Variants in CAST observed in about 807,000 individuals in gnomAD.
The protein encoded by CAST is calpastatin, also known as MIR583 host.
CAST carries 76 observed loss-of-function variants against 119.6 expected under a neutral mutation model. That is an observed-to-expected ratio of 0.64 (90% CI 0.53 to 0.77). The LOEUF (loss-of-function observed/expected upper bound fraction) is 0.77, where lower values mean the gene tolerates loss of function less well. Among genes scored for constraint, CAST ranks in the 30% least tolerant of loss-of-function variants. CAST has a pLI of 0.00. For synonymous variants in CAST, 319 were observed against 331.6 expected (o/e 0.96, Z 0.41); for missense variants, 953 against 946.5 (o/e 1.01, Z -0.09).
the CAST span, among the ~76,000 whole-genome samples, chr5:95,985,013 TTACCTA>T: frequency 1.3e-5 from 2 of 152,210 alleles, no homozygotes; most frequent in Non-Finnish European, 2.9e-5. Flanking sequence ...AAATTTATAG[TTACCTA>T]TATGGCTGAA....
intron 16 of CAST, among the ~76,000 whole-genome samples, chr5:96,744,057 A>G (rs1763235506): frequency 6.6e-6 from 1 of 152,228 alleles, no homozygotes; most frequent in African/African-American, 2.4e-5. Flanking sequence ...GCAGATAAGC[A>G]GATGTTAAGA....
chr5:96,584,677 AG>A, intron 1 of CAST: 1 of 151,608 alleles, frequency 6.6e-6, no homozygotes, highest in South Asian at 2.1e-4. Context: ...GGAGAAACAC[AG>A]GGAAGAAGCT....
At chr5:96,419,724 G>A in the CAST span, among the ~76,000 whole-genome samples, 6 of 151,838 alleles carry the variant, frequency 4.0e-5, no homozygotes. Context: ...CATTATATGG[G>A]CTGCTTCCCT....
At chr5:96,089,891 TTTC>T in the CAST span, among the ~76,000 whole-genome samples, 1 of 152,224 alleles carries the variant, frequency 6.6e-6, no homozygotes, top group Non-Finnish European at 1.5e-5. Context: ...CTCATTCGTA[TTTC>T]TTCTTATTTC....
the CAST span, among the ~76,000 whole-genome samples, chr5:95,965,529 A>C: frequency 6.6e-6 from 1 of 152,242 alleles, no homozygotes; most frequent in Non-Finnish European, 1.5e-5. Flanking sequence ...TTCTGTTACA[A>C]AAAGAGAACA....
At chr5:96,413,525 C>T in the CAST span, among the ~76,000 whole-genome samples, 8 of 152,244 alleles carry the variant, frequency 5.3e-5, no homozygotes, top group Admixed American at 1.3e-4. Flanking sequence ...TAGAGCCAGG[C>T]GCAGTGGCTC....
the CAST span, among the ~76,000 whole-genome samples, chr5:96,199,533 A>AT: frequency 6.6e-6 from 1 of 152,046 alleles, no homozygotes; most frequent in Non-Finnish European, 1.5e-5. Flanking sequence ...TGATGTACCT[A>AT]TTTTTTTGGT....
At chr5:96,177,857 TA>T in the CAST span, among the ~76,000 whole-genome samples, 1 of 152,360 alleles carries the variant, frequency 6.6e-6, no homozygotes, top group East Asian at 1.9e-4. Flanking sequence ...GTTTTGCAGC[TA>T]GTGATTCCCC....
At chr5:96,426,051 A>T in the CAST span, 1 of 701,776 alleles carries the variant, frequency 1.4e-6, no homozygotes, top group East Asian at 2.7e-5. Flanking sequence ...TTTTCATTTG[A>T]CTACAGATTA....
the CAST span, among the ~76,000 whole-genome samples, chr5:96,245,973 C>T: frequency 1.3e-5 from 2 of 152,182 alleles, no homozygotes; most frequent in East Asian, 1.9e-4. Flanking sequence ...CACCAACTAC[C>T]ATTTGGATTG....
At chr5:96,247,144 T>C in the CAST span, among the ~76,000 whole-genome samples, 1 of 152,242 alleles carries the variant, frequency 6.6e-6, no homozygotes, top group Non-Finnish European at 1.5e-5. Flanking sequence ...GGGCCAGCTG[T>C]CCCGTAGCAC....
At chr5:96,429,178 G>C in the CAST span, 1 of 1,026,914 alleles carries the variant, frequency 9.7e-7, no homozygotes, top group South Asian at 1.3e-5. Flanking sequence ...AGATAAGCTA[G>C]AGTATTGGTT....
chr5:96,173,103 C>T, the CAST span, among the ~76,000 whole-genome samples: 1 of 152,216 alleles, frequency 6.6e-6, no homozygotes, highest in South Asian at 2.1e-4. Flanking sequence ...TACCGACTGG[C>T]TGGGAAGGTG....
the CAST span, among the ~76,000 whole-genome samples, chr5:96,150,239 G>A: frequency 1.3e-5 from 2 of 152,308 alleles, no homozygotes; most frequent in African/African-American, 2.4e-5. Context: ...TTTCTAAACT[G>A]AGGTGCTAGA....
the CAST span, among the ~76,000 whole-genome samples, chr5:96,049,762 G>A: frequency 6.6e-6 from 1 of 151,952 alleles, no homozygotes; most frequent in Non-Finnish European, 1.5e-5. Context: ...TAGCTCAGGG[G>A]AAGTTAAGCT....
the CAST span, among the ~76,000 whole-genome samples, chr5:96,488,709 A>T: frequency 6.6e-6 from 1 of 152,224 alleles, no homozygotes; most frequent in South Asian, 2.1e-4. Context: ...CACCACGAGT[A>T]AGTGGTAATC....
the CAST span, among the ~76,000 whole-genome samples, chr5:96,509,397 T>C: frequency 6.6e-6 from 1 of 152,206 alleles, no homozygotes; most frequent in Non-Finnish European, 1.5e-5. Context: ...TTTTAATTTG[T>C]CTTTGAAAAA....
At chr5:96,620,918 G>A (rs1024025026) in intron 1 of CAST, among the ~76,000 whole-genome samples, 4 of 152,320 alleles carry the variant, frequency 2.6e-5, no homozygotes, top group African/African-American at 4.8e-5. Flanking sequence ...TTCAGTCACC[G>A]TATGTGGTTT....
At chr5:96,729,054 AGGCAG>A in intron 6 of CAST, 94 bp from the exon 7 acceptor site, 1 of 762,728 alleles carries the variant, frequency 1.3e-6, no homozygotes, top group South Asian at 1.7e-5. Flanking sequence ...TTCCTGAAAA[AGGCAG>A]AATGTTTTAG....
Sources: allele counts gnomAD v4.1 joint callset (sites outside exome capture counted in the v4.1 genomes callset), GRCh38; gene constraint gnomAD v4.1.1; transcripts MANE v1.5; gene names NCBI Gene and HGNC (gene_info 2026-07-23, HGNC 2026-07-21).